Variants in ADGRL2 observed in about 807,000 individuals in gnomAD.
ADGRL2 encodes the protein adhesion G protein-coupled receptor L2.
Under a neutral mutation model 157.4 loss-of-function variants are expected in ADGRL2, and 44 were observed. That is an observed-to-expected ratio of 0.28 (90% CI 0.22 to 0.36). The LOEUF is 0.36. Among genes scored for constraint, ADGRL2 ranks in the 10% least tolerant of loss-of-function variants. The pLI, the probability that ADGRL2 is intolerant of heterozygous loss-of-function variation, is 1.00. For synonymous variants in ADGRL2, 585 were observed against 624.7 expected (o/e 0.94, Z 0.95); for missense variants, 1,510 against 1,768.9 (o/e 0.85, Z 2.63).
chr1:81,949,042 C>T (rs180939106), intron 6 of ADGRL2, among the ~76,000 whole-genome samples: 3 of 152,260 alleles, frequency 2.0e-5, no homozygotes, highest in African/African-American at 7.2e-5. Flanking sequence ...TTCTAATATT[C>T]TAGCTTATTA....
intron 1 of ADGRL2, among the ~76,000 whole-genome samples, chr1:81,826,852 T>C (rs2091528381): frequency 6.6e-6 from 1 of 152,212 alleles, no homozygotes; most frequent in Non-Finnish European, 1.5e-5. Context: ...TATAATGTTA[T>C]TAAAAATTTG....
At chr1:81,504,810 A>C (rs2148040014) in intron 2 of ADGRL2, among the ~76,000 whole-genome samples, 1 of 152,302 alleles carries the variant, frequency 6.6e-6, no homozygotes. Flanking sequence ...AGCTCAGGGC[A>C]CAGGCAGGCT....
intron 1 of ADGRL2, among the ~76,000 whole-genome samples, chr1:81,440,832 T>G (rs1289369246): frequency 6.6e-6 from 1 of 152,214 alleles, no homozygotes; most frequent in Non-Finnish European, 1.5e-5. Flanking sequence ...TCCTATTGAT[T>G]GTCTCTGAAA....
In ADGRL2 at chr1:81,780,688, G is replaced by A. The variant is rs569675533; in HGVS notation, c.-101+18836G>A. On this transcript the variant is annotated intron_variant, in intron 2 of 20. Coordinates refer to the ADGRL2 transcript ENST00000359929. Reference sequence around the variant, plus strand: ...TTATAGGGTTGTTGTGAGATAATACGTATATAATAATAATGGTTATGTAAG... The same window carrying A: ...TTATAGGGTTGTTGTGAGATAATACATATATAATAATAATGGTTATGTAAG... Among the ~76,000 whole-genome samples, 12 of 152,196 alleles carry A rather than the reference G, an allele frequency of 7.9e-5. No individual in the cohort carries two copies. The East Asian group carries it at 1.3e-3, about 17-fold the overall frequency.
intron 3 of ADGRL2, among the ~76,000 whole-genome samples, chr1:81,685,314 G>T (rs2083206223): frequency 6.6e-6 from 1 of 151,854 alleles, no homozygotes; most frequent in African/African-American, 2.4e-5. Flanking sequence ...ATTTCTTTCA[G>T]CGGTGTTTTA....
chr1:81,631,865 T>G (rs553441324), intron 3 of ADGRL2, among the ~76,000 whole-genome samples: 1 of 152,148 alleles, frequency 6.6e-6, no homozygotes, highest in Admixed American at 6.5e-5. Context: ...CTGGTAAAGA[T>G]CTGCTAAATT....
intron 2 of ADGRL2, among the ~76,000 whole-genome samples, chr1:81,847,088 C>A (rs1048768774): frequency 6.6e-6 from 1 of 151,278 alleles, no homozygotes; most frequent in Non-Finnish European, 1.5e-5. Flanking sequence ...GAACCCATTG[C>A]ACTGGTAGGA....
intron 3 of ADGRL2, among the ~76,000 whole-genome samples, chr1:81,655,079 G>T (rs557135910): frequency 6.6e-6 from 1 of 152,294 alleles, no homozygotes; most frequent in South Asian, 2.1e-4. Flanking sequence ...GGGGTCCTAA[G>T]AGCCAGGGGG....
chr1:81,926,697 A>T (rs955896313), intron 3 of ADGRL2, among the ~76,000 whole-genome samples: 12 of 151,884 alleles, frequency 7.9e-5, no homozygotes, highest in Admixed American at 6.6e-4. Flanking sequence ...TCCCATTTAA[A>T]TTTTTTTGTT....
At chr1:81,942,933 C>T (rs756262757) in intron 5 of ADGRL2, 36 bp from the exon 6 acceptor site, 2 of 1,521,682 alleles carry the variant, frequency 1.3e-6, no homozygotes, top group Non-Finnish European at 9.0e-7. Context: ...AATTTTTTAA[C>T]TTGGCTTAAT....
At chr1:81,827,973 A>G (rs2091641082) in intron 1 of ADGRL2, among the ~76,000 whole-genome samples, 1 of 152,250 alleles carries the variant, frequency 6.6e-6, no homozygotes, top group South Asian at 2.1e-4. Flanking sequence ...TTAAAATAAT[A>G]GACTAAAGTT....
intron 5 of ADGRL2, among the ~76,000 whole-genome samples, chr1:81,942,549 C>T (rs1648430325): frequency 6.6e-6 from 1 of 151,712 alleles, no homozygotes; most frequent in Non-Finnish European, 1.5e-5. Flanking sequence ...GTTTTATTTG[C>T]CTTATTTCAT....
chr1:81,339,046 CTT>C (rs748072223), intron 1 of ADGRL2, among the ~76,000 whole-genome samples: 4 of 152,210 alleles, frequency 2.6e-5, no homozygotes, highest in Non-Finnish European at 4.4e-5. Flanking sequence ...TACTCTCTCT[CTT>C]GAATGTTTAG....
At chr1:81,853,814 G>C (rs955755423) in intron 2 of ADGRL2, among the ~76,000 whole-genome samples, 3 of 151,892 alleles carry the variant, frequency 2.0e-5, no homozygotes, top group African/African-American at 7.3e-5. Context: ...TGATGTTTGA[G>C]AACAAAATTG....
intron 1 of ADGRL2, among the ~76,000 whole-genome samples, chr1:81,434,809 T>C (rs1409169137): frequency 6.6e-6 from 1 of 152,206 alleles, no homozygotes; most frequent in African/African-American, 2.4e-5. Flanking sequence ...TTCACAGGCC[T>C]TCAAATCTGA....
At chr1:81,872,743 C>A (rs1297583082) in intron 2 of ADGRL2, among the ~76,000 whole-genome samples, 1 of 152,048 alleles carries the variant, frequency 6.6e-6, no homozygotes, top group Admixed American at 6.6e-5. Flanking sequence ...CTTAGCTATA[C>A]ATATCTACAT....
rs76892287 is a variant in ADGRL2 at position 81,451,141 on chromosome 1, T to C, written c.-248+6052T>C. ...CACTGTCTGGAAGATCTTCCATTGA[T>C]CATACCTTTTTTCTTGTTTCTCAAA... On this transcript the variant is annotated intron_variant, in intron 2 of 24. Coordinates refer to the ADGRL2 transcript ENST00000370721. Among the ~76,000 whole-genome samples, 1,375 of 152,076 alleles carry C rather than the reference T, an allele frequency of 9.0e-3. 9 individuals carry two copies. The highest frequency in any genetic ancestry group is 0.02 in the Middle Eastern group (6 of 294).
chr1:81,484,302 T>G (rs1196247313), intron 2 of ADGRL2, among the ~76,000 whole-genome samples: 1 of 152,174 alleles, frequency 6.6e-6, no homozygotes, highest in Non-Finnish European at 1.5e-5. Context: ...CTAGTCGGAC[T>G]ACAGAGGAAC....
intron 2 of ADGRL2, among the ~76,000 whole-genome samples, chr1:81,871,579 C>A (rs60496596): frequency 6.6e-6 from 1 of 152,166 alleles, no homozygotes; most frequent in African/African-American, 2.4e-5. Flanking sequence ...TATTTCTCCA[C>A]ATCCTCTCCA....
Sources: gnomAD v4.1 joint callset for allele counts (sites outside exome capture counted in the v4.1 genomes callset) on GRCh38, gnomAD v4.1.1 for gene constraint, MANE v1.5 for transcripts, NCBI Gene and HGNC (gene_info 2026-07-23, HGNC 2026-07-21) for gene names.